Variants in SSBP2 observed in about 807,000 individuals in gnomAD.
SSBP2 encodes the protein single-stranded DNA-binding protein 2.
SSBP2 carries 17 observed loss-of-function variants against 61.8 expected under a neutral mutation model. The ratio of observed to expected loss-of-function variants is 0.28; its 90% CI spans 0.19 to 0.41. The LOEUF (loss-of-function observed/expected upper bound fraction) is 0.41, where lower values mean the gene tolerates loss of function less well. Ranked by LOEUF, SSBP2 falls within the 10% of genes least tolerant of loss-of-function variation. The pLI is 1.00. For missense variants in SSBP2, 310 were observed against 458.7 expected, an observed-to-expected ratio of 0.68 and a Z score of 2.96; for synonymous variants, 139 against 141.3, an observed-to-expected ratio of 0.98 and a Z score of 0.12.
In SSBP2 at chr5:81,684,700, C is replaced by T. The variant is rs376498789; in HGVS notation, c.63-34361G>A. Among the ~76,000 whole-genome samples, 16 of 152,224 alleles carry T rather than the reference C, an allele frequency of 1.1e-4. No homozygotes were observed. In the South Asian group the frequency reaches 1.7e-3, roughly 16 times the overall value. On this transcript the variant is annotated intron_variant, in intron 1 of 16. Transcript: ENST00000320672. ...GAGCATTTACCCGATGCTTGTACCCCGACTGCATCTTGGAGTAACTAACTT... is the reference window on the plus strand; with the variant it reads ...GAGCATTTACCCGATGCTTGTACCCTGACTGCATCTTGGAGTAACTAACTT...
At chr5:81,560,428 CA>C (rs1772956143) in intron 4 of SSBP2, among the ~76,000 whole-genome samples, 1 of 152,034 alleles carries the variant, frequency 6.6e-6, no homozygotes, top group Non-Finnish European at 1.5e-5. Flanking sequence ...CTTTTCATGC[CA>C]AAACAAGGAA....
At chr5:81,558,863 T>C (rs1258532290) in intron 4 of SSBP2, among the ~76,000 whole-genome samples, 1 of 152,244 alleles carries the variant, frequency 6.6e-6, no homozygotes, top group African/African-American at 2.4e-5. Context: ...CTTGTCAGAA[T>C]AGAACATCTG....
At chr5:81,604,914 ATATGT>A (rs1323467350) in intron 4 of SSBP2, among the ~76,000 whole-genome samples, 12 of 152,240 alleles carry the variant, frequency 7.9e-5, no homozygotes, top group Non-Finnish European at 1.2e-4. Flanking sequence ...TGAACATGTA[ATATGT>A]TATAAGAGTG....
chr5:81,579,981 A>C (rs890755215), intron 4 of SSBP2, among the ~76,000 whole-genome samples: 1 of 152,128 alleles, frequency 6.6e-6, no homozygotes, highest in Non-Finnish European at 1.5e-5. Flanking sequence ...GATTGTACTT[A>C]ATTTGTTAAG....
chr5:81,490,628 C>A (rs1398121975), intron 5 of SSBP2, among the ~76,000 whole-genome samples: 1 of 152,084 alleles, frequency 6.6e-6, no homozygotes, highest in East Asian at 1.9e-4. Flanking sequence ...AGAAATTAGG[C>A]TTGGAGGACA....
chr5:81,487,250 G>A (rs569769700), intron 6 of SSBP2, among the ~76,000 whole-genome samples: 9 of 151,956 alleles, frequency 5.9e-5, no homozygotes, highest in Non-Finnish European at 1.0e-4. Flanking sequence ...ATTTCTTCTC[G>A]GGTTATATAC....
At chr5:81,567,940 TA>T (rs984410824) in intron 4 of SSBP2, among the ~76,000 whole-genome samples, 1 of 152,182 alleles carries the variant, frequency 6.6e-6, no homozygotes, top group African/African-American at 2.4e-5. Flanking sequence ...CCCCTGTATC[TA>T]GGAAATAACT....
chr5:81,645,401 G>A (rs55792529), intron 2 of SSBP2, among the ~76,000 whole-genome samples: 14,425 of 152,160 alleles, frequency 0.095, 1,712 homozygotes, highest in African/African-American at 0.28. Flanking sequence ...ATGTTTTTAA[G>A]CTTCTATTTC....
intron 1 of SSBP2, among the ~76,000 whole-genome samples, chr5:81,723,241 T>C (rs924582563): frequency 1.3e-5 from 2 of 152,004 alleles, no homozygotes; most frequent in African/African-American, 4.8e-5. Context: ...TTGTTATACA[T>C]TGTTAGTAAG....
chr5:81,689,451 G>C (rs1341661162), intron 1 of SSBP2, among the ~76,000 whole-genome samples: 1 of 151,532 alleles, frequency 6.6e-6, no homozygotes, highest in Non-Finnish European at 1.5e-5. Context: ...CAAGGATAAA[G>C]AAAGAATCCT....
At chr5:81,502,705 C>T (rs1387981371) in intron 5 of SSBP2, among the ~76,000 whole-genome samples, 1 of 152,190 alleles carries the variant, frequency 6.6e-6, no homozygotes. Context: ...CAACTCCATT[C>T]TTCCAGCTGC....
At chr5:81,667,292 C>CAT (rs1356825068) in intron 1 of SSBP2, among the ~76,000 whole-genome samples, 1 of 112,496 alleles carries the variant, frequency 8.9e-6, no homozygotes, top group Non-Finnish European at 1.8e-5. Context: ...CAGATACACA[C>CAT]ACACACACAC....
chr5:81,519,355 T>C (rs1250122876), intron 4 of SSBP2, among the ~76,000 whole-genome samples: 1 of 152,172 alleles, frequency 6.6e-6, no homozygotes, highest in East Asian at 1.9e-4. Context: ...TTTATCCATA[T>C]ATACACTACT....
intron 1 of SSBP2, among the ~76,000 whole-genome samples, chr5:81,665,958 A>G (rs1277813781): frequency 1.3e-5 from 2 of 152,250 alleles, no homozygotes; most frequent in African/African-American, 4.8e-5. Flanking sequence ...AGTAAGGAGC[A>G]TTTGGCAGCT....
intron 4 of SSBP2, among the ~76,000 whole-genome samples, chr5:81,568,084 T>C (rs889430555): frequency 2.0e-5 from 3 of 152,158 alleles, no homozygotes; most frequent in African/African-American, 4.8e-5. Context: ...TTTGGGGGAC[T>C]GTTGGGAAGG....
intron 1 of SSBP2, among the ~76,000 whole-genome samples, chr5:81,703,364 G>C (rs1754126303): frequency 6.6e-6 from 1 of 152,254 alleles, no homozygotes; most frequent in African/African-American, 2.4e-5. Context: ...GGCAGCCTGA[G>C]CTACAGTCTG....
rs574626747 is a variant in SSBP2 at position 81,580,312 on chromosome 5, A to C, written c.282+35161T>G. 4.6e-5 allele frequency among the ~76,000 whole-genome samples: 7 copies of C among 152,188 alleles called. No individual in the cohort carries two copies. In the East Asian group the frequency reaches 1.4e-3, roughly 29 times the overall value. ...TGGTATTGACCTGTTTGAGAAAAAA[A>C]CAGGGGTAGTACCCCTGTACTCGTG... On this transcript the variant is annotated intron_variant, in intron 4 of 16. Transcript: ENST00000320672.
intron 15 of SSBP2, among the ~76,000 whole-genome samples, chr5:81,433,133 C>T (rs1005534222): frequency 7.7e-4 from 117 of 152,098 alleles, no homozygotes; most frequent in Non-Finnish European, 1.3e-3. Flanking sequence ...GAGAACGGGC[C>T]ATGATGACAA....
At chr5:81,632,780 T>C (rs2153662495) in intron 3 of SSBP2, among the ~76,000 whole-genome samples, 1 of 152,222 alleles carries the variant, frequency 6.6e-6, no homozygotes, top group East Asian at 1.9e-4. Context: ...CTTCTTTTTC[T>C]AACCTACACT....
Sources: allele counts gnomAD v4.1 joint callset (sites outside exome capture counted in the v4.1 genomes callset), GRCh38; gene constraint gnomAD v4.1.1; transcripts MANE v1.5; gene names NCBI Gene and HGNC (gene_info 2026-07-23, HGNC 2026-07-21).